Variants in AGT observed in about 807,000 individuals in gnomAD.
AGT encodes the protein angiotensinogen.
A neutral mutation model predicts 28.1 loss-of-function variants in AGT; 26 were observed. That is an observed-to-expected ratio of 0.92 (90% CI 0.68 to 1.28). The LOEUF (loss-of-function observed/expected upper bound fraction) is 1.28. Ranked by LOEUF, AGT falls within the 50% of genes most tolerant of loss-of-function variation. The probability of loss-of-function intolerance (pLI) is 0.00; values close to 1 mark genes in which losing one functional copy is unlikely to be tolerated. For synonymous variants in AGT, 259 were observed against 259.6 expected (o/e 1.00, Z 0.02); for missense variants, 596 against 592.3 (o/e 1.01, Z -0.06).
At chr1:230,724,695 C>T (rs7512327) in intron 1 of AGT, among the ~76,000 whole-genome samples, 2,071 of 152,098 alleles carry the variant, frequency 0.014, 55 homozygotes, top group African/African-American at 0.046. Flanking sequence ...TTTGGTGGCA[C>T]GTGCCTGTAG....
chr1:230,720,530 G>A (rs893600073), intron 1 of AGT, among the ~76,000 whole-genome samples: 5 of 152,112 alleles, frequency 3.3e-5, no homozygotes, highest in African/African-American at 1.2e-4. Context: ...GTGAAATCCC[G>A]CCTCCAAGCT....
intron 2 of AGT, among the ~76,000 whole-genome samples, chr1:230,709,118 C>A (rs1277356717): frequency 6.6e-6 from 1 of 152,234 alleles, no homozygotes; most frequent in Admixed American, 6.5e-5. Flanking sequence ...TTGTGGAGCA[C>A]GTTTCCCTGC....
At chr1:230,741,252 C>A (rs1185543836) in intron 1 of AGT, among the ~76,000 whole-genome samples, 1 of 152,212 alleles carries the variant, frequency 6.6e-6, no homozygotes, top group Non-Finnish European at 1.5e-5. Context: ...TGATCTAGAG[C>A]TTACTTAGGG....
chr1:230,706,907 C>G (rs900368038), intron 2 of AGT, among the ~76,000 whole-genome samples: 24 of 152,336 alleles, frequency 1.6e-4, no homozygotes, highest in Middle Eastern at 3.4e-3. Context: ...TAATCCATGT[C>G]TAGCCCCAGC....
chr1:230,718,309 A>G (rs1204380729), upstream of AGT, among the ~76,000 whole-genome samples: 1 of 152,062 alleles, frequency 6.6e-6, no homozygotes, highest in Non-Finnish European at 1.5e-5. Context: ...TGATATTTTG[A>G]TATGAAGATA....
chr1:230,710,668 C>A lies in AGT; in HGVS notation c.156G>T (p.Lys52Asn), dbSNP rs773840793. ...CAGGTATGAAGGTGGGGTCTTTGGGCTTCCCGGCATTGGCCTTTGCCAGCT... is the reference window on the plus strand; with the variant it reads ...CAGGTATGAAGGTGGGGTCTTTGGGATTCCCGGCATTGGCCTTTGCCAGCT... ...CEQLAKANAG[K>N]PKDPTFIPAP... The change falls in exon 2 of 5, where the codon AAG becomes AAT. Residue 52 changes from lysine to asparagine, a missense_variant. Transcript: ENST00000366667. 1.2e-6 allele frequency: 2 copies of A among 1,614,246 alleles called. No individual in the cohort carries two copies. The highest frequency in any genetic ancestry group is 2.7e-5 in the African/African-American group (2 of 75,070).
intron 1 of AGT, among the ~76,000 whole-genome samples, chr1:230,731,874 AT>A (rs1356198814): frequency 6.6e-6 from 1 of 152,086 alleles, no homozygotes; most frequent in Non-Finnish European, 1.5e-5. Context: ...CTCAAAAAAA[AT>A]AATAACAACA....
intron 1 of AGT, among the ~76,000 whole-genome samples, chr1:230,733,551 C>A (rs920724064): frequency 6.6e-6 from 1 of 152,194 alleles, no homozygotes; most frequent in African/African-American, 2.4e-5. Flanking sequence ...TACACCCTGA[C>A]AGTTGTCTCA....
At chr1:230,740,910 G>C (rs938828066) in intron 1 of AGT, among the ~76,000 whole-genome samples, 4 of 152,184 alleles carry the variant, frequency 2.6e-5, no homozygotes, top group Non-Finnish European at 5.9e-5. Context: ...TCGCACCACT[G>C]CACTCTAGCC....
intron 1 of AGT, among the ~76,000 whole-genome samples, chr1:230,737,669 C>T (rs1057417163): frequency 7.2e-5 from 11 of 152,096 alleles, no homozygotes; most frequent in South Asian, 2.1e-4. Context: ...TACAACTTTA[C>T]GAAACACTGT....
chr1:230,710,081 G>A lies in AGT; in HGVS notation c.743C>T (p.Ala248Val), dbSNP rs770682393. Residue 248 changes from alanine to valine, a missense_variant, in exon 2 of 5, where the codon GCT (alanine) becomes GTT (valine). Physicochemically the swap from Ala to Val is moderately conservative, Grantham distance 64 (BLOSUM62 0). Coordinates refer to ENST00000366667, the MANE Select transcript of AGT (RefSeq NM_001384479.1). The stretch of plus-strand genomic sequence containing the variant: ...GCAGCCAGTCTTCCATCCTGTCACA[G>A]CCTGCATGAACCTGTCAATCTTCTC... ...AAEKIDRFMQ[A>V]VTGWKTGCSL... 3 of 1,614,210 alleles carry A rather than the reference G, an allele frequency of 1.9e-6. No individual in the cohort carries two copies. Among genetic ancestry groups the A allele is most frequent in the Non-Finnish European group, 2.5e-6 (3 of 1,180,032 alleles).
At chr1:230,715,147 G>A (rs938861828), upstream of AGT, among the ~76,000 whole-genome samples, 1 of 152,114 alleles carries the variant, frequency 6.6e-6, no homozygotes, top group Admixed American at 6.5e-5. Flanking sequence ...AGGAAGAGAT[G>A]GTGCCTGGAT....
At chr1:230,742,111 A>C (rs1397696599) in intron 1 of AGT, among the ~76,000 whole-genome samples, 1 of 152,158 alleles carries the variant, frequency 6.6e-6, no homozygotes, top group Non-Finnish European at 1.5e-5. Flanking sequence ...AAAGCTAAAA[A>C]AATATAAAAG....
upstream of AGT, among the ~76,000 whole-genome samples, chr1:230,716,233 T>C (rs919353394): frequency 6.6e-6 from 1 of 152,180 alleles, no homozygotes; most frequent in Non-Finnish European, 1.5e-5. Context: ...AGAATGTAAA[T>C]TATTCCCATA....
At chr1:230,740,191 A>G (rs377406429) in intron 1 of AGT, among the ~76,000 whole-genome samples, 32 of 152,272 alleles carry the variant, frequency 2.1e-4, no homozygotes, top group African/African-American at 6.7e-4. Flanking sequence ...GTCTTTTAGT[A>G]TGCTAATGTA....
At chr1:230,709,231 T>G (rs1317210963) in intron 2 of AGT, among the ~76,000 whole-genome samples, 1 of 152,230 alleles carries the variant, frequency 6.6e-6, no homozygotes, top group Non-Finnish European at 1.5e-5. Flanking sequence ...CTTAAAGTCT[T>G]ACAAGTAGCA....
rs61757171 is a variant in AGT, at chr1:230,710,812, G to A, written c.12C>T (p.Ala4=). ...GGATGGTGGCCCTCAGGCTCACACC[G>A]GCAGGAGCCATCTCAGACTGGGGTG... The part of the protein sequence containing the change: MAP[A]GVSLRATILC... Residue 4 remains alanine (A), a synonymous_variant, in exon 2 of 5, where the codon GCC becomes GCT. Transcript: ENST00000366667. 5.7e-5 allele frequency: 92 copies of A among 1,613,970 alleles called. No homozygotes were observed. Among genetic ancestry groups the A allele is most frequent in the Non-Finnish European group, 7.2e-5 (85 of 1,180,016 alleles).
intron 1 of AGT, among the ~76,000 whole-genome samples, chr1:230,711,948 C>G (rs554170277): frequency 6.6e-6 from 1 of 152,312 alleles, no homozygotes; most frequent in African/African-American, 2.4e-5. Flanking sequence ...TCAGCCTCAG[C>G]TGCTACAAAT....
chr1:230,743,620 G>A (rs1218907287), intron 1 of AGT, among the ~76,000 whole-genome samples: 1 of 152,218 alleles, frequency 6.6e-6, no homozygotes, highest in Non-Finnish European at 1.5e-5. Flanking sequence ...GCAGCCGGGT[G>A]GGCTCACTCT....
Sources: allele counts gnomAD v4.1 joint callset (sites outside exome capture counted in the v4.1 genomes callset), GRCh38; gene constraint gnomAD v4.1.1; transcripts MANE v1.5; gene names NCBI Gene and HGNC (gene_info 2026-07-23, HGNC 2026-07-21).